The following NCK1 variants were observed in gnomAD, a reference collection of about 807,000 sequenced individuals.
NCK1 encodes the protein SH2/SH3 adapter protein NCK1.
In NCK1, 19 loss-of-function variants were observed where a neutral mutation model predicts 36.6. That is an observed-to-expected ratio of 0.52 (90% confidence interval 0.36 to 0.76). The LOEUF is 0.76. Among genes scored for constraint, NCK1 ranks in the 30% least tolerant of loss-of-function variants. NCK1 has a pLI of 0.00. For synonymous variants in NCK1, 165 were observed against 156.0 expected (o/e 1.06, Z -0.43); for missense variants, 358 against 445.6 (o/e 0.80, Z 1.77).
intron 1 of NCK1, among the ~76,000 whole-genome samples, 152 bp from the exon 2 acceptor site, chr3:136,927,830 GTC>G (rs1940283888): frequency 6.6e-6 from 1 of 152,176 alleles, no homozygotes; most frequent in Non-Finnish European, 1.5e-5. Context: ...TACAGTCACA[GTC>G]TCTTTAAATT....
chr3:136,929,370 A>AGT (rs1940334851), intron 2 of NCK1, among the ~76,000 whole-genome samples: 1 of 152,276 alleles, frequency 6.6e-6, no homozygotes, highest in South Asian at 2.1e-4. Flanking sequence ...TAAGATATAA[A>AGT]GTAGTGGATT....
chr3:136,947,003 A>G, intron 3 of NCK1: 1 of 152,228 alleles, frequency 6.6e-6, no homozygotes, highest in East Asian at 1.9e-4. Flanking sequence ...TTGATGAAAG[A>G]TATCACTACT....
At chr3:136,934,004 G>T (rs528332313) in intron 2 of NCK1, among the ~76,000 whole-genome samples, 23 of 152,098 alleles carry the variant, frequency 1.5e-4, no homozygotes, top group Non-Finnish European at 3.2e-4. Context: ...CACCTTGCCC[G>T]GCCAAGTTTA....
At chr3:136,874,606 A>G (rs572327745) in intron 1 of NCK1, among the ~76,000 whole-genome samples, 1 of 152,322 alleles carries the variant, frequency 6.6e-6, no homozygotes, top group African/African-American at 2.4e-5. Context: ...TATGGCTGAT[A>G]CATAGTAGTT....
chr3:136,937,261 TC>T (rs1168367523), intron 2 of NCK1, among the ~76,000 whole-genome samples: 3 of 152,202 alleles, frequency 2.0e-5, no homozygotes, highest in African/African-American at 7.2e-5. Context: ...TTGATGAAAA[TC>T]AATTGACCAT....
At chr3:136,935,025 C>G (rs925879728) in intron 2 of NCK1, among the ~76,000 whole-genome samples, 1 of 152,026 alleles carries the variant, frequency 6.6e-6, no homozygotes, top group African/African-American at 2.4e-5. Flanking sequence ...CCACAGCCAC[C>G]CAAGTAGCTG....
chr3:136,945,618 G>C lies in NCK1; in HGVS notation c.262G>C (p.Asp88His), dbSNP rs747727219. 6.2e-7 allele frequency: 1 copy of C among 1,613,088 alleles called. No homozygotes were observed. Among genetic ancestry groups the C allele is most frequent in the Non-Finnish European group, 8.5e-7 (1 of 1,179,366 alleles). ...GKVKRKPSVP[D>H]SASPADDSFV... ...AGTGAAAAGAAAACCTAGTGTGCCAGATTCTGCATCTCCTGCTGATGATAG... is the reference window on the plus strand; with the variant it reads ...AGTGAAAAGAAAACCTAGTGTGCCACATTCTGCATCTCCTGCTGATGATAG... Residue 88 changes from aspartate to histidine, a missense_variant, in exon 3 of 4, where the codon GAT becomes CAT. Asp to His is a moderately conservative substitution (Grantham distance 81). Around this residue, in one of 3 missense-constraint regions of NCK1, gnomAD observed 143 missense variants for 162.4 expected, o/e 0.88. Transcript: ENST00000481752.
At chr3:136,920,245 T>A (rs950758921) in intron 1 of NCK1, among the ~76,000 whole-genome samples, 1 of 152,194 alleles carries the variant, frequency 6.6e-6, no homozygotes, top group East Asian at 1.9e-4. Context: ...TAAGTTTTTC[T>A]TCTTTTTTTT....
Position 136,946,211 on chromosome 3 carries a change from C to G in NCK1, c.855C>G (p.Gly285=). 6.2e-7 allele frequency: 1 copy of G among 1,613,320 alleles called. No individual in the cohort carries two copies. The highest frequency in any genetic ancestry group is 8.5e-7 in the Non-Finnish European group (1 of 1,179,882). The part of the protein sequence containing the change: ...GKFAGNPWYY[G]KVTRHQAEMA... ...TTGCTGGCAATCCTTGGTATTATGG[C>G]AAAGTCACCAGGCATCAAGCAGAAA... Residue 285 remains glycine, a synonymous_variant, in exon 3 of 4, where the codon GGC becomes GGG. Transcript: ENST00000481752.
At chr3:136,943,679 C>T (rs1013509519) in intron 2 of NCK1, among the ~76,000 whole-genome samples, 5 of 152,202 alleles carry the variant, frequency 3.3e-5, no homozygotes, top group Non-Finnish European at 7.3e-5. Flanking sequence ...GATGTATGTA[C>T]TGCTAAGCGT....
At chr3:136,915,945 C>T (rs957566447) in intron 1 of NCK1, among the ~76,000 whole-genome samples, 3 of 152,070 alleles carry the variant, frequency 2.0e-5, no homozygotes, top group Non-Finnish European at 2.9e-5. Context: ...ATGCTGGTCT[C>T]GAACTCCTGA....
intron 1 of NCK1, among the ~76,000 whole-genome samples, chr3:136,917,890 C>G (rs762456880): frequency 2.6e-5 from 4 of 152,116 alleles, no homozygotes; most frequent in African/African-American, 7.2e-5. Context: ...TGGCATCACC[C>G]TTTGTGAGGA....
chr3:136,892,229 A>T (rs1212444572), intron 1 of NCK1, among the ~76,000 whole-genome samples: 4 of 152,132 alleles, frequency 2.6e-5, no homozygotes, highest in African/African-American at 9.7e-5. Context: ...GACTTGTAAG[A>T]GTTCTTTATA....
At chr3:136,871,759 A>G (rs192631543) in intron 1 of NCK1, among the ~76,000 whole-genome samples, 14 of 152,286 alleles carry the variant, frequency 9.2e-5, no homozygotes, top group African/African-American at 3.4e-4. Context: ...GTGGGAGGTA[A>G]TTGAACCATG....
intron 1 of NCK1, among the ~76,000 whole-genome samples, chr3:136,891,022 A>G (rs1430528175): frequency 6.6e-6 from 1 of 152,268 alleles, no homozygotes; most frequent in East Asian, 1.9e-4. Flanking sequence ...TTCACTGAGT[A>G]TAGTGTCTTC....
Position 136,948,322 on chromosome 3 carries a change from A to G in NCK1, c.1003A>G (p.Lys335Glu). The G allele has an allele frequency of 6.2e-7, 1 of 1,612,262 alleles. No individual in the cohort carries two copies. Among genetic ancestry groups the G allele is most frequent in the Non-Finnish European group, 8.5e-7 (1 of 1,178,968 alleles). ...AAACAAGCATTTTAAAGTCCAACTA[A>G]AAGAGACTGTCTACTGCATTGGGCA... ...GKNKHFKVQL[K>E]ETVYCIGQRK... is the part of the protein sequence containing the mutation. Residue 335 changes from lysine (K) to glutamate (E), a missense_variant, in exon 4 of 4, where the codon AAA becomes GAA. Around this residue, in one of 3 missense-constraint regions of NCK1, gnomAD observed 207 missense variants for 253.4 expected, o/e 0.82. Coordinates refer to ENST00000481752, the MANE Select transcript of NCK1 (RefSeq NM_001291999.2).
intron 1 of NCK1, among the ~76,000 whole-genome samples, chr3:136,920,602 T>A (rs1016284556): frequency 6.6e-6 from 1 of 152,188 alleles, no homozygotes; most frequent in African/African-American, 2.4e-5. Flanking sequence ...GAATATTACT[T>A]ATTACCCCTC....
chr3:136,892,560 A>G (rs991622598), intron 1 of NCK1, among the ~76,000 whole-genome samples: 2 of 152,252 alleles, frequency 1.3e-5, no homozygotes, highest in African/African-American at 4.8e-5. Context: ...GCTGGAATAG[A>G]CAAAGAACAG....
chr3:136,928,543 C>T, intron 2 of NCK1: 1 of 270,438 alleles, frequency 3.7e-6, no homozygotes, highest in Non-Finnish European at 7.0e-6. Context: ...GCAGAATTGC[C>T]TCTTTGGCAC....
Sources: allele counts gnomAD v4.1 joint callset (sites outside exome capture counted in the v4.1 genomes callset), GRCh38; gene constraint gnomAD v4.1.1; regional missense constraint gnomAD v4.1.1; transcripts MANE v1.5; gene names NCBI Gene and HGNC (gene_info 2026-07-23, HGNC 2026-07-21).